INPP5A: variants seen among roughly 807,000 people sequenced by gnomAD.
INPP5A encodes inositol polyphosphate-5-phosphatase A.
Under a neutral mutation model 65.2 loss-of-function variants are expected in INPP5A, and 14 were observed. That is an observed-to-expected ratio of 0.21 (90% CI 0.14 to 0.34). INPP5A has a LOEUF of 0.34. INPP5A is among the 10% of genes least tolerant of loss of function. The pLI is 1.00. For synonymous variants in INPP5A, 207 were observed against 208.3 expected, an observed-to-expected ratio of 0.99 and a Z score of 0.05; for missense variants, 431 against 545.6, an observed-to-expected ratio of 0.79 and a Z score of 2.09.
chr10:132,623,815 A>C (rs773480138), intron 2 of INPP5A, among the ~76,000 whole-genome samples: 26 of 152,278 alleles, frequency 1.7e-4, no homozygotes, highest in Non-Finnish European at 2.6e-4. Context: ...GAAAGCAAAG[A>C]ACCCAATTTT....
chr10:132,575,277 AC>A lies in INPP5A; in HGVS notation c.76-32636del, dbSNP rs2071400218. 6.6e-6 allele frequency among the ~76,000 whole-genome samples: 1 copy of A among 152,148 alleles called. No homozygotes were observed. The highest frequency in any genetic ancestry group is 2.1e-4 in the South Asian group (1 of 4,826). On this transcript the variant is annotated intron_variant, in intron 1 of 15. Transcript: ENST00000368594. This position sits in a 1 kb window ranked among gnomAD's most constrained non-coding sequence, Gnocchi z 5.4. The stretch of plus-strand genomic sequence containing the variant: ...TGCCTGCTTTTGGCATTTGGACGAC[AC>A]CTGGTTTCTGCCTGAGGGAGGGATT...
chr10:132,582,061 G>A (rs2071491008), intron 1 of INPP5A, among the ~76,000 whole-genome samples: 1 of 152,006 alleles, frequency 6.6e-6, no homozygotes, highest in South Asian at 2.1e-4. Context: ...GGATGGTTTC[G>A]ATCTCCTGAC....
intron 6 of INPP5A, among the ~76,000 whole-genome samples, chr10:132,699,977 T>C (rs1398038634): frequency 6.6e-6 from 1 of 152,144 alleles, no homozygotes; most frequent in Non-Finnish European, 1.5e-5. Context: ...GTGTGGCCCC[T>C]GGCCTTGGTC....
At position 132,741,920 on chromosome 10, in the gene INPP5A, C is replaced by A. The variant is rs533266500; in HGVS notation, c.733-7597C>A. Among the ~76,000 whole-genome samples the A allele has an allele frequency of 2.6e-5, 4 of 152,188 alleles. No individual in the cohort carries two copies. Among genetic ancestry groups the A allele is most frequent in the African/African-American group, 9.7e-5 (4 of 41,430 alleles). Reference sequence around the variant, plus strand: ...CTTCTTTCCGAGATGTGGCCGTCCTCTGCAGAAAGGATGCATACTTACAGA... The same window carrying A: ...CTTCTTTCCGAGATGTGGCCGTCCTATGCAGAAAGGATGCATACTTACAGA... On this transcript the variant is annotated intron_variant, in intron 9 of 15. Coordinates refer to ENST00000368594, the MANE Select transcript of INPP5A (RefSeq NM_005539.5). This position sits in a 1 kb window ranked among gnomAD's most constrained non-coding sequence, Gnocchi z 4.4.
At chr10:132,604,626 C>T (rs2071822161) in intron 1 of INPP5A, among the ~76,000 whole-genome samples, 1 of 152,226 alleles carries the variant, frequency 6.6e-6, no homozygotes, top group South Asian at 2.1e-4. Flanking sequence ...TACTTGCACA[C>T]TGTGGTCTGT....
At chr10:132,680,467 C>T (rs907079208) in intron 4 of INPP5A, among the ~76,000 whole-genome samples, 5 of 152,366 alleles carry the variant, frequency 3.3e-5, no homozygotes, top group Admixed American at 6.5e-5. Context: ...TGTCAAAAAG[C>T]GCAGAAGATA....
intron 1 of INPP5A, among the ~76,000 whole-genome samples, chr10:132,597,093 G>A (rs1052172191): frequency 8.6e-5 from 13 of 151,970 alleles, no homozygotes; most frequent in African/African-American, 2.9e-4. Context: ...GTGTATGTGT[G>A]CATGTGTTTG....
rs751704878 is a variant in INPP5A at position 132,690,386 on chromosome 10, C to T, written c.307-6C>T. 48 of 1,587,266 alleles carry T rather than the reference C, an allele frequency of 3.0e-5. No homozygotes were observed. The highest frequency in any genetic ancestry group is 4.1e-5 in the Non-Finnish European group (47 of 1,156,608). On this transcript the variant is annotated splice_polypyrimidine_tract_variant and splice_region_variant and intron_variant, in intron 4 of 15. Transcript: ENST00000368594. Reference sequence around the variant, plus strand: ...CTCTCATTTGATTTCTCTTTTTGCTCTACAGGCACTAGGAAGCTTTTATTT... The same window carrying T: ...CTCTCATTTGATTTCTCTTTTTGCTTTACAGGCACTAGGAAGCTTTTATTT...
chr10:132,752,949 C>T (rs1321582902), intron 11 of INPP5A, among the ~76,000 whole-genome samples: 2 of 152,078 alleles, frequency 1.3e-5, no homozygotes, highest in African/African-American at 4.8e-5. Flanking sequence ...GTGAGGCACC[C>T]GGTGTGATTG....
chr10:132,683,265 T>C (rs1304912698), intron 4 of INPP5A, among the ~76,000 whole-genome samples: 3 of 147,094 alleles, frequency 2.0e-5, no homozygotes, highest in African/African-American at 5.1e-5. Context: ...TATATACATA[T>C]GCACACACGT....
chr10:132,642,404 G>A (rs994219935), intron 2 of INPP5A, among the ~76,000 whole-genome samples: 16 of 152,228 alleles, frequency 1.1e-4, no homozygotes, highest in Non-Finnish European at 2.2e-4. Context: ...TGCGTCTGGC[G>A]TTCCGGGGCC....
chr10:132,730,292 G>A (rs1846060736), intron 9 of INPP5A, among the ~76,000 whole-genome samples: 1 of 152,220 alleles, frequency 6.6e-6, no homozygotes. Flanking sequence ...CCACCCATCT[G>A]CCTCCGCCCC....
rs116281753 is a variant in INPP5A, at chr10:132,673,203, C to T, written c.307-17189C>T. On this transcript the variant is annotated intron_variant, in intron 4 of 15. Transcript: ENST00000368594. ...CAGAGTATCCAGGTGACAATCTTAA[C>T]TTCCAGTTCAGTGGGATTGCTGTTT... 8.1e-3 allele frequency among the ~76,000 whole-genome samples: 1,238 copies of T among 152,326 alleles called. 16 individuals carry two copies. Among genetic ancestry groups the T allele is most frequent in the African/African-American group, 0.029 (1,187 of 41,566 alleles).
At position 132,603,309 on chromosome 10, in the gene INPP5A, C is replaced by T. The variant is rs2071800490; in HGVS notation, c.76-4606C>T. 6.6e-6 allele frequency among the ~76,000 whole-genome samples: 1 copy of T among 152,168 alleles called. No homozygotes were observed. Among genetic ancestry groups the T allele is most frequent in the Admixed American group, 6.5e-5 (1 of 15,278 alleles). On this transcript the variant is annotated intron_variant, in intron 1 of 15. Coordinates refer to ENST00000368594, the MANE Select transcript of INPP5A (RefSeq NM_005539.5). The surrounding 1 kb of genome is among the most constrained non-coding windows in gnomAD (Gnocchi z 4.2). Reference sequence around the variant, plus strand: ...TTAGTACTTCTCACTAAAATGGAATCATTTTATAAGGTCTGTTTCTCCCTT... The same window carrying T: ...TTAGTACTTCTCACTAAAATGGAATTATTTTATAAGGTCTGTTTCTCCCTT...
intron 11 of INPP5A, among the ~76,000 whole-genome samples, chr10:132,759,550 G>C (rs534463551): frequency 4.6e-5 from 7 of 152,106 alleles, no homozygotes; most frequent in African/African-American, 1.7e-4. Flanking sequence ...AGCCGGAGGG[G>C]CCCAGCATCG....
chr10:132,769,528 G>A (rs1212582210), intron 12 of INPP5A, among the ~76,000 whole-genome samples: 1 of 152,192 alleles, frequency 6.6e-6, no homozygotes, highest in Non-Finnish European at 1.5e-5. Flanking sequence ...CATCGGGTGT[G>A]ACGTGTTAAA....
chr10:132,599,722 A>T (rs1467956113), intron 1 of INPP5A, among the ~76,000 whole-genome samples: 1 of 152,208 alleles, frequency 6.6e-6, no homozygotes, highest in Non-Finnish European at 1.5e-5. Flanking sequence ...CCCTGCAGCA[A>T]ACTTTTGCCT....
chr10:132,654,758 C>T (rs976389095), intron 4 of INPP5A, among the ~76,000 whole-genome samples: 5 of 152,226 alleles, frequency 3.3e-5, no homozygotes, highest in Admixed American at 1.3e-4. Flanking sequence ...AATGCTGTCA[C>T]GGGTATTAAT....
At chr10:132,671,177 C>G (rs2072885149) in intron 4 of INPP5A, among the ~76,000 whole-genome samples, 1 of 152,154 alleles carries the variant, frequency 6.6e-6, no homozygotes, top group African/African-American at 2.4e-5. Flanking sequence ...GTGTCCCTGT[C>G]TCTCCCTTCT....
Sources: allele counts gnomAD v4.1 joint callset (sites outside exome capture counted in the v4.1 genomes callset), GRCh38; gene constraint gnomAD v4.1.1; non-coding constraint Gnocchi (gnomAD v3.1); transcripts MANE v1.5; gene names NCBI Gene and HGNC (gene_info 2026-07-23, HGNC 2026-07-21).